PPP1R3F: variants seen among roughly 807,000 people sequenced by gnomAD.
The protein encoded by PPP1R3F is protein phosphatase 1, regulatory (inhibitor) subunit 3F.
A neutral mutation model predicts 24.2 loss-of-function variants in PPP1R3F; 29 were observed. The observed-to-expected ratio is 1.20, with a 90% CI of 0.89 to 1.63. The LOEUF (loss-of-function observed/expected upper bound fraction) is 1.63. Ranked by LOEUF, PPP1R3F falls within the 40% of genes most tolerant of loss-of-function variation. The pLI is 0.00. For synonymous variants in PPP1R3F, 363 were observed against 340.1 expected, an observed-to-expected ratio of 1.07 and a Z score of -0.74; for missense variants, 823 against 729.3, an observed-to-expected ratio of 1.13 and a Z score of -1.48.
rs112837194 is a variant in PPP1R3F, at chrX:49,286,738, G to A, written c.2048G>A (p.Gly683Asp). Residue 683 changes from glycine (G) to aspartate (D), a missense_variant, in exon 4 of 4, where the codon GGC becomes GAC. Physicochemically the swap from Gly to Asp is moderately conservative, Grantham distance 94. Coordinates refer to ENST00000055335, the MANE Select transcript of PPP1R3F (RefSeq NM_033215.5). Reference sequence around the variant, plus strand: ...ATAGAGGTCACCAGTGAGTGGGCAGGCAGCTTGGATCCCATATCTGGCAAG... The same window carrying A: ...ATAGAGGTCACCAGTGAGTGGGCAGACAGCTTGGATCCCATATCTGGCAAG... The part of the protein sequence containing the change: ...AQIEVTSEWA[G>D]SLDPISGKEP... 811 of 1,203,700 alleles carry A rather than the reference G, an allele frequency of 6.7e-4. 5 individuals carry two copies. The African/African-American group carries it at 0.012, about 18-fold the overall frequency.
intron 1 of PPP1R3F, chrX:49,275,881 G>A (rs150576762): frequency 8.9e-6 from 1 of 112,304 alleles, no homozygotes. Context: ...TGCACAGGAA[G>A]GCCCACTGTC....
Position 49,300,415 on chromosome X carries a change from T to C in PPP1R3F, c.393-936T>C, listed in dbSNP as rs186038742. Among the ~76,000 whole-genome samples the C allele has an allele frequency of 1.8e-4, 20 of 109,195 alleles. No homozygotes were observed. The East Asian group carries it at 5.2e-3, about 28-fold the overall frequency. The allele number at this position is 109,195 out of a possible 115,157, so 94.8% of individuals were successfully genotyped here. A position where few individuals can be genotyped will look rare whatever the true frequency, so the allele number is the denominator to read the frequency against. ...ATGCAGAAATCACCCACCTTCTGCC[T>C]TGATCTCACTGGGAGCTGCAGACCA... On this transcript the variant is annotated intron_variant, in intron 3 of 3. Transcript: ENST00000471261.
At chrX:49,299,452 G>A (rs2066331606) in intron 3 of PPP1R3F, among the ~76,000 whole-genome samples, 4 of 111,908 alleles carry the variant, frequency 3.6e-5, no homozygotes, top group Admixed American at 1.9e-4. Context: ...GTCAGCCCCT[G>A]CTTGAAGGTG....
At position 49,270,254 on chromosome X, in the gene PPP1R3F, G is replaced by T; in HGVS notation, c.385G>T (p.Glu129Ter). The change falls in exon 1 of 4, where the codon GAG becomes TAG. Residue 129 changes from glutamate (E) to a stop codon, truncating the protein, a stop_gained. Coordinates refer to ENST00000055335, the MANE Select transcript of PPP1R3F (RefSeq NM_033215.5). LOFTEE classifies it high-confidence loss of function. ...GCTGCCGCCCGCGCCGGGCCGTCTG[G>T]AGCGCTTGGGGCGCGTCATGGTGGA... ...FSLPPAPGRL[E>*]RLGRVMVELE... 1 of 1,098,777 alleles carries T rather than the reference G, an allele frequency of 9.1e-7. No homozygotes were observed. Among genetic ancestry groups the T allele is most frequent in the Non-Finnish European group, 1.2e-6 (1 of 848,992 alleles). The allele number at this position is 1,098,777 out of a possible 1,213,427, so 90.6% of individuals were successfully genotyped here. A position where few individuals can be genotyped will look rare whatever the true frequency, so the allele number is the denominator to read the frequency against.
intron 3 of PPP1R3F, among the ~76,000 whole-genome samples, chrX:49,293,741 AC>A (rs1156576661): frequency 8.9e-6 from 1 of 112,385 alleles, no homozygotes; most frequent in Non-Finnish European, 1.9e-5. Flanking sequence ...CACGTCTGAA[AC>A]CCCAGCACTT....
At chrX:49,294,944 GTTTTTT>G (rs375519163) in intron 3 of PPP1R3F, among the ~76,000 whole-genome samples, 1 of 93,001 alleles carries the variant, frequency 1.1e-5, no homozygotes, top group African/African-American at 3.9e-5. Context: ...TAAGCTGTAG[GTTTTTT>G]TTTTTTTTTG....
rs1192087390 is a variant in PPP1R3F, at chrX:49,270,732, C to T, written c.863C>T (p.Ala288Val). The change falls in exon 1 of 4, where the codon GCA becomes GTA. Residue 288 changes from alanine (A) to valine (V), a missense_variant. Transcript: ENST00000055335. Reference sequence around the variant, plus strand: ...AACTACACAGTCCTGCTCCGGATCGCACCCGCTCCCACACCCACTGATGCC... The same window carrying T: ...AACTACACAGTCCTGCTCCGGATCGTACCCGCTCCCACACCCACTGATGCC... The part of the protein sequence containing the change: ...GRNYTVLLRI[A>V]PAPTPTDAEG... 7 of 1,204,343 alleles carry T rather than the reference C, an allele frequency of 5.8e-6. No individual in the cohort carries two copies. The Admixed American group carries it at 1.1e-4, about 19-fold the overall frequency.
intron 3 of PPP1R3F, among the ~76,000 whole-genome samples, chrX:49,296,958 G>A (rs1276032782): frequency 4.5e-5 from 5 of 110,648 alleles, no homozygotes; most frequent in Non-Finnish European, 7.6e-5. Flanking sequence ...TTTAGAATAA[G>A]TGCGATGTGG....
At chrX:49,300,481 T>C (rs1308068471) in intron 3 of PPP1R3F, among the ~76,000 whole-genome samples, 1 of 28,222 alleles carries the variant, frequency 3.5e-5, no homozygotes, top group Non-Finnish European at 1.3e-4. Context: ...GCTGCTGTTT[T>C]TTTTTTTTTT....
chrX:49,277,601 G>A (rs1473560351), intron 1 of PPP1R3F, among the ~76,000 whole-genome samples: 1 of 112,522 alleles, frequency 8.9e-6, no homozygotes, highest in Non-Finnish European at 1.9e-5. Context: ...CGATCAGTGA[G>A]TCAGTATACA....
chrX:49,298,044 T>C (rs1040684025), intron 3 of PPP1R3F, among the ~76,000 whole-genome samples: 58 of 110,683 alleles, frequency 5.2e-4, no homozygotes, highest in African/African-American at 1.8e-3. Context: ...TATGTGTGAA[T>C]TTGATCCTGT....
chrX:49,270,155 G>A lies in PPP1R3F; in HGVS notation c.286G>A (p.Glu96Lys), dbSNP rs2066163236. The change falls in exon 1 of 4, where the codon GAG (glutamate) becomes AAG (lysine). Residue 96 changes from glutamate (E) to lysine (K), a missense_variant. Coordinates refer to ENST00000055335, the MANE Select transcript of PPP1R3F (RefSeq NM_033215.5). ...EDGDEGEEEEEACPEPSPLCP... is the reference protein window; with the variant it reads ...EDGDEGEEEEKACPEPSPLCP... ...TGGGGATGAAGGGGAGGAGGAAGAGGAGGCTTGCCCCGAGCCCTCACCGCT... is the reference window on the plus strand; with the variant it reads ...TGGGGATGAAGGGGAGGAGGAAGAGAAGGCTTGCCCCGAGCCCTCACCGCT... 9.2e-7 allele frequency: 1 copy of A among 1,084,154 alleles called. No homozygotes were observed. 89.3% of individuals were successfully genotyped at this position (1,084,154 alleles called of 1,213,427 possible).
intron 3 of PPP1R3F, among the ~76,000 whole-genome samples, chrX:49,300,368 G>A (rs1297901112): frequency 9.1e-6 from 1 of 110,193 alleles, no homozygotes; most frequent in Admixed American, 9.7e-5. Flanking sequence ...CCAGTGAGAT[G>A]AGCCGGGTAC....
At position 49,270,119 on chromosome X, in the gene PPP1R3F, G is replaced by C. The variant is rs1224144385; in HGVS notation, c.250G>C (p.Asp84His). Residue 84 changes from aspartate (D) to histidine (H), a missense_variant, in exon 1 of 4, where the codon GAT becomes CAT. Coordinates refer to ENST00000055335, the MANE Select transcript of PPP1R3F (RefSeq NM_033215.5). The part of the protein sequence containing the change: ...GGGGGADEDD[D>H]GEDGDEGEEE... ...CGGCGGCGGGGCCGACGAGGACGACGATGGCGAGGATGGGGATGAAGGGGA... is the reference window on the plus strand; with the variant it reads ...CGGCGGCGGGGCCGACGAGGACGACCATGGCGAGGATGGGGATGAAGGGGA... The C allele has an allele frequency of 2.5e-5, 26 of 1,039,082 alleles. No individual in the cohort carries two copies. The highest frequency in any genetic ancestry group is 3.2e-5 in the Non-Finnish European group (26 of 815,083). 85.6% of individuals were successfully genotyped at this position (1,039,082 alleles called of 1,213,427 possible). A position where few individuals can be genotyped will look rare whatever the true frequency, so the allele number is the denominator to read the frequency against.
At chrX:49,299,949 C>A (rs1286658609) in intron 3 of PPP1R3F, among the ~76,000 whole-genome samples, 2 of 112,077 alleles carry the variant, frequency 1.8e-5, no homozygotes, top group Non-Finnish European at 3.8e-5. Context: ...TGCTGGGCTC[C>A]GTGGTGGTGG....
chrX:49,279,510 C>T (rs1305711253), intron 1 of PPP1R3F, among the ~76,000 whole-genome samples: 1 of 111,476 alleles, frequency 9.0e-6, no homozygotes, highest in East Asian at 2.8e-4. Flanking sequence ...ATGGCGAAAC[C>T]CCGTCTCTAT....
intron 2 of PPP1R3F, 52 bp from the exon 3 acceptor site, chrX:49,281,929 A>C: frequency 4.2e-6 from 4 of 959,442 alleles, no homozygotes; most frequent in Non-Finnish European, 6.0e-6. Context: ...TAACAAAACC[A>C]TACCTACTTG....
chrX:49,270,454 A>C lies in PPP1R3F; in HGVS notation c.585A>C (p.Pro195=), dbSNP rs1779137724. 1 of 1,198,607 alleles carries C rather than the reference A, an allele frequency of 8.3e-7. No homozygotes were observed. The highest frequency in any genetic ancestry group is 1.7e-5 in the African/African-American group (1 of 57,370). ...GCTGGGCTTCCTTTTGCGACCACCCAGCGCGCTACGTCCCGCGCAGCCCGC... is the reference window on the plus strand; with the variant it reads ...GCTGGGCTTCCTTTTGCGACCACCCCGCGCGCTACGTCCCGCGCAGCCCGC... The part of the protein sequence containing the change: ...HDGWASFCDH[P]ARYVPRSPPW... Residue 195 remains proline, a synonymous_variant, in exon 1 of 4, where the codon CCA becomes CCC. Transcript: ENST00000055335.
chrX:49,291,485 G>A (rs2066309003), downstream of PPP1R3F, among the ~76,000 whole-genome samples: 1 of 107,595 alleles, frequency 9.3e-6, no homozygotes, highest in Admixed American at 1.0e-4. Flanking sequence ...GCACCACCAT[G>A]CCCGACTAGT....
Sources: allele counts gnomAD v4.1 joint callset (sites outside exome capture counted in the v4.1 genomes callset), GRCh38; gene constraint gnomAD v4.1.1; transcripts MANE v1.5; gene names NCBI Gene and HGNC (gene_info 2026-07-23, HGNC 2026-07-21).